The following MKI67 variants were observed in gnomAD, a reference collection of about 807,000 sequenced individuals.
MKI67 encodes proliferation marker protein Ki-67.
A neutral mutation model predicts 233.5 loss-of-function variants in MKI67; 152 were observed. The ratio of observed to expected loss-of-function variants is 0.65; its 90% CI spans 0.57 to 0.74. MKI67 has a LOEUF of 0.74. MKI67 is among the 30% of genes least tolerant of loss of function. The pLI, the probability that MKI67 is intolerant of heterozygous loss-of-function variation, is 0.00. For synonymous variants in MKI67, 1,465 were observed against 1,418.5 expected (o/e 1.03, Z -0.74); for missense variants, 3,940 against 3,885.2 (o/e 1.01, Z -0.37).
chr10:128,108,662 C>T lies in MKI67; in HGVS notation c.3178G>A (p.Gly1060Arg). The T allele has an allele frequency of 6.2e-7, 1 of 1,614,186 alleles. No homozygotes were observed. Among genetic ancestry groups the T allele is most frequent in the Non-Finnish European group, 8.5e-7 (1 of 1,180,026 alleles). Residue 1060 changes from glycine (G) to arginine (R), a missense_variant, in exon 13 of 15, where the codon GGA becomes AGA. Transcript: ENST00000368654. ...ETTHTHREPA[G>R]DGKSIRTFKE... is the part of the protein sequence containing the mutation. The stretch of plus-strand genomic sequence containing the variant: ...AACGTTCTGATGCTCTTGCCATCTC[C>T]TGCTGGCTCTCTGTGCGTGTGCGTG...
intron 4 of MKI67, among the ~76,000 whole-genome samples, chr10:128,120,967 C>G (rs1312210683): frequency 6.6e-6 from 1 of 152,124 alleles, no homozygotes; most frequent in African/African-American, 2.4e-5. Context: ...CAAGAGACAA[C>G]TTAAACCATA....
chr10:128,123,157 A>C lies in MKI67; in HGVS notation c.105T>G (p.Cys35Trp). The C allele has an allele frequency of 6.2e-7, 1 of 1,613,332 alleles. No individual in the cohort carries two copies. The highest frequency in any genetic ancestry group is 8.5e-7 in the Non-Finnish European group (1 of 1,179,292). The change falls in exon 3 of 15, where the codon TGT becomes TGG. Residue 35 changes from cysteine to tryptophan, a missense_variant. Cys to Trp is a radical substitution (Grantham distance 215). Coordinates refer to ENST00000368654, the MANE Select transcript of MKI67 (RefSeq NM_002417.5). ...CAACAGGAAGCTGGATACGGATGTC[A>C]CATTCAATACCCCTTCATGCAAAAG... The part of the protein sequence containing the change: ...STCLFGRGIE[C>W]DIRIQLPVVS...
rs145106987 is a variant in MKI67, at chr10:128,108,669, C to T, written c.3171G>A (p.Glu1057=). The change falls in exon 13 of 15, where the codon GAG becomes GAA. Residue 1057 remains glutamate, a synonymous_variant. Coordinates refer to ENST00000368654, the MANE Select transcript of MKI67 (RefSeq NM_002417.5). ...TGATGCTCTTGCCATCTCCTGCTGG[C>T]TCTCTGTGCGTGTGCGTGGTCTCCC... ...TSGETTHTHR[E]PAGDGKSIRT... is the part of the protein sequence containing the mutation. 4 of 1,614,078 alleles carry T rather than the reference C, an allele frequency of 2.5e-6. No individual in the cohort carries two copies. In the African/African-American group the frequency reaches 5.3e-5, roughly 22 times the overall value.
At chr10:128,112,554 C>A in intron 8 of MKI67, 109 bp from the exon 9 acceptor site, 2 of 1,054,028 alleles carry the variant, frequency 1.9e-6, no homozygotes, top group Non-Finnish European at 2.8e-6. Context: ...AATCTTGAAG[C>A]ATCAAATGCT....
chr10:128,122,184 G>T (rs933888755), intron 4 of MKI67, among the ~76,000 whole-genome samples: 4 of 152,112 alleles, frequency 2.6e-5, no homozygotes, highest in Non-Finnish European at 4.4e-5. Flanking sequence ...CCTTCTCAGT[G>T]CTGGAGGCTG....
chr10:128,107,448 T>A lies in MKI67; in HGVS notation c.4392A>T (p.Leu1464=). ...HPKTKEKAQP[L]EDLAGLKELF... ...GCTCTTTCAAGCCAGCCAGGTCTTC[T>A]AGGGGTTGGGCCTTTTCCTTAGTTT... Residue 1464 remains leucine, a synonymous_variant, in exon 13 of 15, where the codon CTA becomes CTT. Transcript: ENST00000368654. The A allele has an allele frequency of 6.2e-7, 1 of 1,614,100 alleles. No individual in the cohort carries two copies. Among genetic ancestry groups the A allele is most frequent in the Admixed American group, 1.7e-5 (1 of 60,018 alleles).
At position 128,108,336 on chromosome 10, in the gene MKI67, T is replaced by A; in HGVS notation, c.3504A>T (p.Pro1168=). ...GCGTAAGCATGGCTTTCCCTGCTGA[T>A]GGTGTTAGTTTCCTGAGTGCTAAGA... ...EEFLALRKLT[P]SAGKAMLTPK... The change falls in exon 13 of 15, where the codon CCA becomes CCT. Residue 1168 remains proline, a synonymous_variant. Transcript: ENST00000368654. The A allele has an allele frequency of 6.2e-7, 1 of 1,614,158 alleles. No individual in the cohort carries two copies. The highest frequency in any genetic ancestry group is 8.5e-7 in the Non-Finnish European group (1 of 1,180,026).
Position 128,105,295 on chromosome 10 carries a change from C to A in MKI67, c.6545G>T (p.Arg2182Ile). 1 of 1,614,054 alleles carries A rather than the reference C, an allele frequency of 6.2e-7. No individual in the cohort carries two copies. Among genetic ancestry groups the A allele is most frequent in the Non-Finnish European group, 8.5e-7 (1 of 1,180,028 alleles). ...ASVTGSKRQP[R>I]TPKGKAQPLE... ...GGGTTGGGCTTTTCCCTTAGGAGTTCTTGGCTGCCTCTTGCTACCAGTTAC... is the reference window on the plus strand; with the variant it reads ...GGGTTGGGCTTTTCCCTTAGGAGTTATTGGCTGCCTCTTGCTACCAGTTAC... Residue 2182 changes from arginine (R) to isoleucine (I), a missense_variant, in exon 13 of 15, where the codon AGA becomes ATA. Transcript: ENST00000368654.
Position 128,099,134 on chromosome 10 carries a change from A to T in MKI67, c.*56T>A. 7.3e-7 allele frequency: 1 copy of T among 1,365,476 alleles called. No individual in the cohort carries two copies. The highest frequency in any genetic ancestry group is 1.0e-6 in the Non-Finnish European group (1 of 966,222). The allele number at this position is 1,365,476 out of a possible 1,614,324, so 84.6% of individuals were successfully genotyped here. A position where few individuals can be genotyped will look rare whatever the true frequency, so the allele number is the denominator to read the frequency against. On this transcript the variant is annotated 3_prime_UTR_variant, in exon 15 of 15. Transcript: ENST00000368654. Reference sequence around the variant, plus strand: ...ACTTGTAATTTATGACAAAAACTGCACTAGAACTTATCACAAAACTAACTT... The same window carrying T: ...ACTTGTAATTTATGACAAAAACTGCTCTAGAACTTATCACAAAACTAACTT...
Position 128,101,651 on chromosome 10 carries a change from T to C in MKI67, c.9312A>G (p.Gln3104=). The change falls in exon 14 of 15, where the codon CAA becomes CAG. Residue 3104 remains glutamine (Q), a synonymous_variant. Coordinates refer to ENST00000368654, the MANE Select transcript of MKI67 (RefSeq NM_002417.5). ...CTGCTAATACAAAGACCTCAGTTAT[T>C]TGCTGTTCTGCCTCAGTCTTATTTT... ...RRQNKTEAEQ[Q]ITEVFVLAER... is the part of the protein sequence containing the mutation. The C allele has an allele frequency of 6.2e-7, 1 of 1,612,786 alleles. No individual in the cohort carries two copies. Among genetic ancestry groups the C allele is most frequent in the South Asian group, 1.1e-5 (1 of 90,696 alleles).
intron 11 of MKI67, among the ~76,000 whole-genome samples, 160 bp from the exon 12 acceptor site, chr10:128,110,693 A>G (rs752532440): frequency 2.2e-4 from 34 of 152,238 alleles, no homozygotes; most frequent in Non-Finnish European, 4.1e-4. Context: ...TTCCATTAAT[A>G]ATGTACTCAT....
At chr10:128,126,012 C>T (rs1028633109) in intron 1 of MKI67, 87 bp downstream of exon 1, 1 of 326,018 alleles carries the variant, frequency 3.1e-6, no homozygotes, top group Non-Finnish European at 5.8e-6. Context: ...CGCGTCTGTC[C>T]CCTGCCCGTC....
rs746950894 is a variant in MKI67, at chr10:128,106,697, C to T, written c.5143G>A (p.Glu1715Lys). ...EVPEDLAGFI[E>K]LFQTPSHTKE... ...GTGTGACTTGGTGTCTGGAAGAGCT[C>T]GATGAAGCCGGCCAGGTCTTCAGGG... Residue 1715 changes from glutamate (E) to lysine (K), a missense_variant, in exon 13 of 15, where the codon GAG becomes AAG. By Grantham distance (56) the Glu-to-Lys change is moderately conservative. Coordinates refer to ENST00000368654, the MANE Select transcript of MKI67 (RefSeq NM_002417.5). 7.4e-6 allele frequency: 12 copies of T among 1,613,928 alleles called. No homozygotes were observed. The highest frequency in any genetic ancestry group is 1.6e-4 in the Middle Eastern group (1 of 6,084).
Position 128,101,550 on chromosome 10 carries a change from T to A in MKI67, c.9413A>T (p.Asp3138Val). The change falls in exon 14 of 15, where the codon GAT becomes GTT. Residue 3138 changes from aspartate to valine, a missense_variant. Transcript: ENST00000368654. The part of the protein sequence containing the change: ...SPEMDIQNPD[D>V]GARKPIPRDK... ...TCTAGGTATGGGTTTCCGGGCTCCA[T>A]CATCTGGATTCTGAATGTCCATCTC... The A allele has an allele frequency of 6.2e-7, 1 of 1,614,252 alleles. No homozygotes were observed. Among genetic ancestry groups the A allele is most frequent in the Non-Finnish European group, 8.5e-7 (1 of 1,180,046 alleles).
In MKI67 at chr10:128,105,658, C is replaced by T. The variant is rs543936979; in HGVS notation, c.6182G>A (p.Arg2061Lys). The T allele has an allele frequency of 1.5e-4, 250 of 1,613,612 alleles. 6 individuals are homozygous for T. In the South Asian group the frequency reaches 2.5e-3, roughly 16 times the overall value. The change falls in exon 13 of 15, where the codon AGG (arginine) becomes AAG (lysine). Residue 2061 changes from arginine (R) to lysine (K), a missense_variant. Arg to Lys is a conservative substitution (Grantham distance 26, BLOSUM62 2). Transcript: ENST00000368654. ...DPANYGTGME[R>K]WPRTPKEEAQ... ...CTCTTCCTTAGGTGTTCTTGGCCAC[C>T]TCTCCATCCCAGTTCCATAGTTTGC...
Position 128,107,370 on chromosome 10 carries a change from G to T in MKI67, c.4470C>A (p.Thr1490=). 2 of 1,613,452 alleles carry T rather than the reference G, an allele frequency of 1.2e-6. No homozygotes were observed. The highest frequency in any genetic ancestry group is 1.7e-6 in the Non-Finnish European group (2 of 1,179,862). The change falls in exon 13 of 15, where the codon ACC becomes ACA. Residue 1490 remains threonine, a synonymous_variant. Coordinates refer to ENST00000368654, the MANE Select transcript of MKI67 (RefSeq NM_002417.5). ...TDKPTTHEKT[T]KIACRSQPDP... Reference sequence around the variant, plus strand: ...CTGGTTGTGATCTGCAGGCTATTTTGGTAGTTTTCTCGTGAGTCGTGGGCT... The same window carrying T: ...CTGGTTGTGATCTGCAGGCTATTTTTGTAGTTTTCTCGTGAGTCGTGGGCT...
Position 128,108,874 on chromosome 10 carries a change from T to C in MKI67, c.2966A>G (p.Gln989Arg). 6.2e-7 allele frequency: 1 copy of C among 1,614,210 alleles called. No homozygotes were observed. The highest frequency in any genetic ancestry group is 8.5e-7 in the Non-Finnish European group (1 of 1,180,044). The change falls in exon 13 of 15, where the codon CAA becomes CGA. Residue 989 changes from glutamine to arginine, a missense_variant. Physicochemically the swap from Gln to Arg is conservative, Grantham distance 43. Coordinates refer to ENST00000368654, the MANE Select transcript of MKI67 (RefSeq NM_002417.5). ...TARGQNLLQT[Q>R]DHAKAPKSEK... Reference sequence around the variant, plus strand: ...ACTCTTTGGTGCCTTGGCATGATCTTGGGTTTGGAGGAGATTCTGGCCACG... The same window carrying C: ...ACTCTTTGGTGCCTTGGCATGATCTCGGGTTTGGAGGAGATTCTGGCCACG...
In MKI67 at chr10:128,104,993, T is replaced by C; in HGVS notation, c.6847A>G (p.Met2283Val). Residue 2283 changes from methionine (M) to valine (V), a missense_variant, in exon 13 of 15, where the codon ATG becomes GTG. Transcript: ENST00000368654. The part of the protein sequence containing the change: ...GGDEKDMKAF[M>V]GTPVQKLDLP... ...TCCAATTTCTGCACTGGAGTTCCCATAAATGCTTTCATGTCTTTCTCATCA... is the reference window on the plus strand; with the variant it reads ...TCCAATTTCTGCACTGGAGTTCCCACAAATGCTTTCATGTCTTTCTCATCA... The C allele has an allele frequency of 5.6e-6, 9 of 1,613,386 alleles. No individual in the cohort carries two copies. The highest frequency in any genetic ancestry group is 7.6e-6 in the Non-Finnish European group (9 of 1,179,902).
At position 128,111,693 on chromosome 10, in the gene MKI67, T is replaced by C. The variant is rs753796048; in HGVS notation, c.2212A>G (p.Asn738Asp). Reference protein sequence around the residue: ...HVPARPYRVLNNFISNQKMDF... With the variant: ...HVPARPYRVLDNFISNQKMDF... Reference sequence around the variant, plus strand: ...ATTTTTTGGTTGGAAATGAAGTTGTTGAGCACTCTGTAGGGTCGAGCAGGC... The same window carrying C: ...ATTTTTTGGTTGGAAATGAAGTTGTCGAGCACTCTGTAGGGTCGAGCAGGC... Residue 738 changes from asparagine to aspartate, a missense_variant, in exon 11 of 15, where the codon AAC becomes GAC. Physicochemically the swap from Asn to Asp is conservative, Grantham distance 23. Transcript: ENST00000368654. 4.1e-5 allele frequency: 66 copies of C among 1,614,084 alleles called. No individual in the cohort carries two copies. Among genetic ancestry groups the C allele is most frequent in the Non-Finnish European group, 5.3e-5 (62 of 1,180,004 alleles).
Sources: allele counts gnomAD v4.1 joint callset (sites outside exome capture counted in the v4.1 genomes callset), GRCh38; gene constraint gnomAD v4.1.1; transcripts MANE v1.5; gene names NCBI Gene and HGNC (gene_info 2026-07-23, HGNC 2026-07-21).